AUTS2: variants seen among roughly 807,000 people sequenced by gnomAD.
The protein encoded by AUTS2 is activator of transcription and developmental regulator AUTS2, also known as autism susceptibility gene 2 protein.
In AUTS2, 17 loss-of-function variants were observed where a neutral mutation model predicts 112.4. The observed-to-expected ratio is 0.15, with a 90% CI of 0.10 to 0.23. The LOEUF is 0.23. AUTS2 is among the 10% of genes least tolerant of loss of function. The pLI is 1.00. For synonymous variants in AUTS2, 751 were observed against 702.7 expected (o/e 1.07, Z -1.09); for missense variants, 1,510 against 1,701.6 (o/e 0.89, Z 1.98).
intron 4 of AUTS2, among the ~76,000 whole-genome samples, chr7:70,384,394 A>G (rs1216286542): frequency 6.6e-6 from 1 of 152,222 alleles, no homozygotes; most frequent in Non-Finnish European, 1.5e-5. Flanking sequence ...CCAGCAAACA[A>G]CGTGTTTGGG....
intron 4 of AUTS2, among the ~76,000 whole-genome samples, chr7:70,235,818 A>T (rs1584914670): frequency 6.6e-6 from 1 of 151,718 alleles, no homozygotes; most frequent in East Asian, 1.9e-4. Context: ...TGCCGGGCTA[A>T]TTTTTTGTGT....
intron 1 of AUTS2, among the ~76,000 whole-genome samples, chr7:69,786,021 G>A (rs1486841210): frequency 1.3e-5 from 2 of 152,170 alleles, no homozygotes; most frequent in Admixed American, 6.5e-5. Flanking sequence ...TAGTAGAAAC[G>A]GGGTTTCATC....
At chr7:69,948,867 A>C (rs1051181680) in intron 2 of AUTS2, among the ~76,000 whole-genome samples, 9 of 151,648 alleles carry the variant, frequency 5.9e-5, no homozygotes, top group African/African-American at 2.2e-4. Context: ...GTGCAATGGC[A>C]TGATCTTGGC....
chr7:69,883,467 A>G (rs1288864509), intron 1 of AUTS2, among the ~76,000 whole-genome samples: 1 of 152,164 alleles, frequency 6.6e-6, no homozygotes, highest in Non-Finnish European at 1.5e-5. Flanking sequence ...GGGTAGTACC[A>G]GCGTCAGCAT....
chr7:69,798,860 G>A (rs1789962507), intron 1 of AUTS2, among the ~76,000 whole-genome samples: 1 of 151,964 alleles, frequency 6.6e-6, no homozygotes, highest in African/African-American at 2.4e-5. Flanking sequence ...GTGTGATGGT[G>A]CACGCCTGTA....
chr7:70,498,239 C>T (rs1031028898), intron 5 of AUTS2, among the ~76,000 whole-genome samples: 1 of 152,094 alleles, frequency 6.6e-6, no homozygotes, highest in East Asian at 1.9e-4. Flanking sequence ...TCCACAGAGC[C>T]GCATACTCAT....
chr7:70,513,953 C>G (rs1363106490), intron 5 of AUTS2, among the ~76,000 whole-genome samples: 1 of 152,186 alleles, frequency 6.6e-6, no homozygotes, highest in Non-Finnish European at 1.5e-5. Context: ...AGCCACTGTG[C>G]CTGGCCCCTT....
At chr7:69,807,742 CTT>C in intron 1 of AUTS2, among the ~76,000 whole-genome samples, 1 of 152,106 alleles carries the variant, frequency 6.6e-6, no homozygotes, top group Non-Finnish European at 1.5e-5. Flanking sequence ...ATTCATATGG[CTT>C]TTGGCAGGAG....
chr7:70,113,549 A>G (rs141480747), intron 2 of AUTS2, among the ~76,000 whole-genome samples: 165 of 152,330 alleles, frequency 1.1e-3, no homozygotes, highest in African/African-American at 3.9e-3. Context: ...CAAATTTTGC[A>G]TAGAGTTCAT....
At chr7:70,555,945 C>T (rs746243758) in intron 5 of AUTS2, among the ~76,000 whole-genome samples, 1 of 152,036 alleles carries the variant, frequency 6.6e-6, no homozygotes, top group Non-Finnish European at 1.5e-5. Context: ...GCTGGGACTA[C>T]AGGTGCCCAC....
chr7:69,959,674 CT>C (rs964387246), intron 2 of AUTS2, among the ~76,000 whole-genome samples: 12 of 152,214 alleles, frequency 7.9e-5, no homozygotes, highest in African/African-American at 2.9e-4. Flanking sequence ...TATCCTTTTT[CT>C]TTTCCAACAG....
At chr7:70,648,241 C>G (rs566875551) in intron 5 of AUTS2, among the ~76,000 whole-genome samples, 3 of 152,222 alleles carry the variant, frequency 2.0e-5, no homozygotes, top group Non-Finnish European at 4.4e-5. Flanking sequence ...AGTACTCCGC[C>G]CCCCTCCACC....
chr7:70,645,150 GATTA>G (rs1191590441), intron 5 of AUTS2, among the ~76,000 whole-genome samples: 1 of 152,126 alleles, frequency 6.6e-6, no homozygotes, highest in Non-Finnish European at 1.5e-5. Flanking sequence ...AAGGGAGGGA[GATTA>G]ATTGACTTCT....
At chr7:70,015,837 AGTTGTT>A (rs376646110) in intron 2 of AUTS2, among the ~76,000 whole-genome samples, 31 of 145,662 alleles carry the variant, frequency 2.1e-4, no homozygotes, top group Non-Finnish European at 3.5e-4. Flanking sequence ...GTGGCCACCT[AGTTGTT>A]GTTGTTGTTG....
intron 1 of AUTS2, among the ~76,000 whole-genome samples, chr7:69,670,442 A>G (rs1201510631): frequency 2.0e-5 from 3 of 152,072 alleles, no homozygotes; most frequent in African/African-American, 7.2e-5. Context: ...AGTGAAAGAA[A>G]GGAGAAAAGT....
At chr7:69,735,728 C>A (rs1786999814) in intron 1 of AUTS2, among the ~76,000 whole-genome samples, 1 of 152,176 alleles carries the variant, frequency 6.6e-6, no homozygotes, top group Admixed American at 6.5e-5. Context: ...GGTGGCCGCA[C>A]AGCCCCCTGA....
chr7:70,096,101 A>C (rs1171193051), intron 2 of AUTS2, among the ~76,000 whole-genome samples: 23 of 152,160 alleles, frequency 1.5e-4, no homozygotes, highest in Non-Finnish European at 1.5e-5. Flanking sequence ...CTCTGAGACA[A>C]AGTTTCACAT....
chr7:70,095,014 C>T (rs1314150598), intron 2 of AUTS2, among the ~76,000 whole-genome samples: 4 of 151,946 alleles, frequency 2.6e-5, no homozygotes, highest in Non-Finnish European at 2.9e-5. Context: ...ATACCAAGCC[C>T]GCAGGGAGAT....
chr7:70,627,971 G>C (rs757463437), intron 5 of AUTS2, among the ~76,000 whole-genome samples: 1 of 152,178 alleles, frequency 6.6e-6, no homozygotes, highest in Non-Finnish European at 1.5e-5. Flanking sequence ...TTGCATGGAA[G>C]CTTGCCGGGA....
Sources: allele counts gnomAD v4.1 joint callset (sites outside exome capture counted in the v4.1 genomes callset), GRCh38; gene constraint gnomAD v4.1.1; transcripts MANE v1.5; gene names NCBI Gene and HGNC (gene_info 2026-07-23, HGNC 2026-07-21).